DCX: variants seen among roughly 807,000 people sequenced by gnomAD.
The protein encoded by DCX is neuronal migration protein doublecortin.
DCX carries 4 observed loss-of-function variants against 20.9 expected under a neutral mutation model. The ratio of observed to expected loss-of-function variants is 0.19; its 90% CI spans 0.09 to 0.44. The LOEUF is 0.44. DCX is among the 20% of genes least tolerant of loss of function. DCX has a pLI of 0.99. For synonymous variants in DCX, 103 were observed against 111.4 expected (o/e 0.92, Z 0.47); for missense variants, 133 against 296.9 (o/e 0.45, Z 4.06).
chrX:111,356,732 A>G, intron 3 of DCX, among the ~76,000 whole-genome samples: 1 of 112,287 alleles, frequency 8.9e-6, no homozygotes, highest in East Asian at 2.8e-4. Context: ...GTTATAACAA[A>G]GAATTATAAC....
chrX:111,342,899 T>C (rs1330530326), intron 3 of DCX, among the ~76,000 whole-genome samples: 4 of 111,262 alleles, frequency 3.6e-5, no homozygotes, highest in Admixed American at 1.9e-4. Context: ...CCAGAATCCC[T>C]AGGACACAGC....
chrX:111,400,561 A>C (rs762441250), intron 3 of DCX, among the ~76,000 whole-genome samples: 2 of 112,747 alleles, frequency 1.8e-5, no homozygotes, highest in African/African-American at 3.2e-5. Context: ...AGGTCACTTC[A>C]ACTTCCTTTT....
intron 5 of DCX, among the ~76,000 whole-genome samples, chrX:111,321,482 T>C (rs1017405443): frequency 3.6e-5 from 4 of 111,814 alleles, no homozygotes; most frequent in African/African-American, 1.3e-4. Context: ...AACAGGATGG[T>C]TGGTAAAGAA....
chrX:111,352,948 G>A lies in DCX; in HGVS notation c.706-19795C>T, dbSNP rs1923442667. On this transcript the variant is annotated intron_variant, in intron 3 of 6. Coordinates refer to ENST00000636035, the MANE Select transcript of DCX (RefSeq NM_001195553.2). Reference sequence around the variant, plus strand: ...CTGGCTTAAGTAGAGGTAGAAAGATGTCCTACACAATGGTGTTTTAGAGGC... The same window carrying A: ...CTGGCTTAAGTAGAGGTAGAAAGATATCCTACACAATGGTGTTTTAGAGGC... 2.7e-5 allele frequency among the ~76,000 whole-genome samples: 3 copies of A among 110,430 alleles called. No individual in the cohort carries two copies. In the South Asian group the frequency reaches 1.2e-3, roughly 44 times the overall value.
At chrX:111,373,679 G>T (rs1403455161) in intron 3 of DCX, among the ~76,000 whole-genome samples, 1 of 110,977 alleles carries the variant, frequency 9.0e-6, no homozygotes, top group Admixed American at 9.6e-5. Flanking sequence ...ATAAATCCAG[G>T]TCTCCCTACA....
intron 3 of DCX, among the ~76,000 whole-genome samples, chrX:111,365,216 G>T (rs1369546314): frequency 9.1e-6 from 1 of 109,668 alleles, no homozygotes; most frequent in Non-Finnish European, 1.9e-5. Context: ...TACCATGCCA[G>T]GCATAGTCTT....
intron 1 of DCX, 54 bp from the exon 2 acceptor site, chrX:111,410,474 A>G: frequency 1.7e-6 from 2 of 1,181,883 alleles, no homozygotes; most frequent in Non-Finnish European, 2.3e-6. Context: ...AAAAAGGGAC[A>G]AGGAGAAGGA....
At chrX:111,387,314 T>C (rs1209423186) in intron 3 of DCX, among the ~76,000 whole-genome samples, 1 of 111,886 alleles carries the variant, frequency 8.9e-6, no homozygotes, top group Non-Finnish European at 1.9e-5. Flanking sequence ...CATCTTTATA[T>C]CAGCACAATG....
intron 3 of DCX, among the ~76,000 whole-genome samples, chrX:111,386,576 T>C (rs1926536581): frequency 9.0e-6 from 1 of 111,091 alleles, no homozygotes; most frequent in Admixed American, 9.6e-5. Flanking sequence ...ACAGCAGTGG[T>C]CAGATTCAGA....
intron 5 of DCX, among the ~76,000 whole-genome samples, chrX:111,320,841 T>TCACA (rs969600224): frequency 6.8e-5 from 7 of 103,621 alleles, no homozygotes; most frequent in South Asian, 4.2e-4. Context: ...TCTCTCTCTC[T>TCACA]CACACACACA....
At chrX:111,377,544 G>T (rs1304359262) in intron 3 of DCX, among the ~76,000 whole-genome samples, 1 of 111,124 alleles carries the variant, frequency 9.0e-6, no homozygotes, top group Non-Finnish European at 1.9e-5. Context: ...TTCCTGTTGA[G>T]AATCAATTTC....
rs1191788636 is a variant in DCX at position 111,344,281 on chromosome X, C to T, written c.706-11128G>A. 3.6e-5 allele frequency among the ~76,000 whole-genome samples: 4 copies of T among 111,717 alleles called. No homozygotes were observed. The East Asian group carries it at 8.4e-4, about 24-fold the overall frequency. Reference sequence around the variant, plus strand: ...TTTATAACAAACCCACAGCCAATATCAAATTAAATGGGCAAAAGCTAGAAG... The same window carrying T: ...TTTATAACAAACCCACAGCCAATATTAAATTAAATGGGCAAAAGCTAGAAG... On this transcript the variant is annotated intron_variant, in intron 3 of 6. Transcript: ENST00000636035.
Position 111,295,260 on chromosome X carries a change from C to G in DCX, c.*6427G>C, listed in dbSNP as rs981639484. The G allele has an allele frequency of 2.7e-5, 3 of 111,160 alleles. No homozygotes were observed. Among genetic ancestry groups the G allele is most frequent in the Non-Finnish European group, 5.6e-5 (3 of 53,189 alleles). The allele number at this position is 111,160 out of a possible 1,213,427, so 9.2% of individuals were successfully genotyped here. On this transcript the variant is annotated 3_prime_UTR_variant, in exon 7 of 7. Coordinates refer to ENST00000636035, the MANE Select transcript of DCX (RefSeq NM_001195553.2). ...TTGCACTCTGTTTAATAAATTAACA[C>G]CTACAATCTGGCTTCTTTAGGTCCA...
chrX:111,411,393 T>C (rs1187539132), intron 1 of DCX, among the ~76,000 whole-genome samples: 5 of 110,101 alleles, frequency 4.5e-5, no homozygotes, highest in African/African-American at 1.7e-4. Flanking sequence ...TCTACCTTAA[T>C]TGAAGTGACA....
At chrX:111,409,939 T>C in intron 2 of DCX, 96 bp downstream of exon 2, 1 of 1,128,750 alleles carries the variant, frequency 8.9e-7, no homozygotes, top group Non-Finnish European at 1.2e-6. Context: ...TTTTGAAAAA[T>C]ACATTGCCTA....
chrX:111,331,819 G>T (rs1921272580), intron 4 of DCX, among the ~76,000 whole-genome samples: 1 of 112,248 alleles, frequency 8.9e-6, no homozygotes, highest in Non-Finnish European at 1.9e-5. Flanking sequence ...TTATTAGAAG[G>T]ATTATTATTC....
At chrX:111,407,172 T>C (rs1928270188) in intron 2 of DCX, among the ~76,000 whole-genome samples, 1 of 111,822 alleles carries the variant, frequency 8.9e-6, no homozygotes, top group Admixed American at 9.5e-5. Context: ...TATTCCCACT[T>C]TACAGATGAC....
intron 3 of DCX, among the ~76,000 whole-genome samples, chrX:111,343,446 GA>G (rs371125870): frequency 0.033 from 1,564 of 47,538 alleles, 30 homozygotes; most frequent in African/African-American, 0.085. Flanking sequence ...TACCAACCAA[GA>G]AAAAAAAAAA....
intron 5 of DCX, 91 bp downstream of exon 5, chrX:111,330,812 TG>T (rs1218842337): frequency 2.0e-4 from 225 of 1,120,812 alleles, no homozygotes; most frequent in Non-Finnish European, 2.6e-4. Context: ...GGAGACACAG[TG>T]GTGTTCATGA....
Sources: gnomAD v4.1 joint callset for allele counts (sites outside exome capture counted in the v4.1 genomes callset) on GRCh38, gnomAD v4.1.1 for gene constraint, MANE v1.5 for transcripts, NCBI Gene and HGNC (gene_info 2026-07-23, HGNC 2026-07-21) for gene names.